AKAP7: variants seen among roughly 807,000 people sequenced by gnomAD.
AKAP7 encodes A-kinase anchoring protein 7, also known as A kinase (PRKA) anchor protein 7.
Under a neutral mutation model 39.5 loss-of-function variants are expected in AKAP7, and 39 were observed. The ratio of observed to expected loss-of-function variants is 0.99; its 90% CI spans 0.76 to 1.29. The LOEUF (loss-of-function observed/expected upper bound fraction) is 1.29, where lower values mean the gene tolerates loss of function less well. Ranked by LOEUF, AKAP7 falls within the 50% of genes most tolerant of loss-of-function variation. The pLI, the probability that AKAP7 is intolerant of heterozygous loss-of-function variation, is 0.00. For synonymous variants in AKAP7, 140 were observed against 139.1 expected (o/e 1.01, Z -0.05); for missense variants, 414 against 407.7 (o/e 1.02, Z -0.13).
chr6:131,126,191 G>A, the AKAP7 span, among the ~76,000 whole-genome samples: 3 of 152,076 alleles, frequency 2.0e-5, no homozygotes, highest in Non-Finnish European at 4.4e-5. Context: ...CTTATTTTTG[G>A]TTGCTCAGAT....
At chr6:131,127,604 C>T in the AKAP7 span, among the ~76,000 whole-genome samples, 16 of 152,232 alleles carry the variant, frequency 1.1e-4, 1 homozygote, top group South Asian at 4.1e-4. Context: ...AAATTCTGCA[C>T]ATTATAAACT....
At position 131,173,229 on chromosome 6, in the gene AKAP7, A is replaced by T. The variant is rs547528288; in HGVS notation, c.589+3956A>T. The stretch of plus-strand genomic sequence containing the variant: ...AAAAAAAAAAAAAGAAAAAAGAAAA[A>T]ATTCTTTTTAATTTTAATATCAGGA... On this transcript the variant is annotated intron_variant, in intron 5 of 7. Coordinates refer to ENST00000431975, the MANE Select transcript of AKAP7 (RefSeq NM_016377.4). Among the ~76,000 whole-genome samples the T allele has an allele frequency of 2.0e-5, 3 of 151,926 alleles. No homozygotes were observed. The South Asian group carries it at 6.2e-4, about 31-fold the overall frequency.
intron 7 of AKAP7, among the ~76,000 whole-genome samples, chr6:131,254,293 T>C (rs951169988): frequency 6.6e-6 from 1 of 152,242 alleles, no homozygotes; most frequent in Non-Finnish European, 1.5e-5. Flanking sequence ...TAGTTTTTGC[T>C]GACTACTTAT....
At chr6:131,194,355 T>C (rs73633676) in intron 5 of AKAP7, among the ~76,000 whole-genome samples, 3,866 of 152,166 alleles carry the variant, frequency 0.025, 160 homozygotes, top group African/African-American at 0.087. Flanking sequence ...ATTCCTCTTA[T>C]TATTGACTTG....
At chr6:131,235,435 G>C (rs1181551521) in intron 7 of AKAP7, among the ~76,000 whole-genome samples, 4 of 152,150 alleles carry the variant, frequency 2.6e-5, no homozygotes, top group South Asian at 4.1e-4. Flanking sequence ...GTAATGGGAT[G>C]GCTGGGTCAA....
chr6:131,128,709 C>T, the AKAP7 span, among the ~76,000 whole-genome samples: 2 of 151,346 alleles, frequency 1.3e-5, no homozygotes, highest in African/African-American at 4.9e-5. Flanking sequence ...GTAATCCCAG[C>T]TACTCAGGAA....
At chr6:131,152,565 C>A (rs991945005) in intron 2 of AKAP7, among the ~76,000 whole-genome samples, 5 of 152,094 alleles carry the variant, frequency 3.3e-5, no homozygotes, top group African/African-American at 9.7e-5. Context: ...TGGTGGCTCA[C>A]GCCTGTAATC....
chr6:131,238,973 T>A (rs1333714298), intron 7 of AKAP7, among the ~76,000 whole-genome samples: 1 of 152,202 alleles, frequency 6.6e-6, no homozygotes, highest in Non-Finnish European at 1.5e-5. Context: ...GTTATTTTGC[T>A]CATTAGTTGA....
At chr6:131,202,720 T>C (rs1807708038) in intron 6 of AKAP7, among the ~76,000 whole-genome samples, 2 of 151,838 alleles carry the variant, frequency 1.3e-5, no homozygotes. Flanking sequence ...GTAACTAACC[T>C]GCACATTGTG....
chr6:131,248,011 C>T (rs1288260820), intron 7 of AKAP7, among the ~76,000 whole-genome samples: 4 of 152,022 alleles, frequency 2.6e-5, no homozygotes. Context: ...ATTTATTGCA[C>T]GAACATTATC....
chr6:131,252,302 G>A (rs972684984), intron 7 of AKAP7, among the ~76,000 whole-genome samples: 2 of 152,144 alleles, frequency 1.3e-5, no homozygotes, highest in African/African-American at 2.4e-5. Flanking sequence ...AATGAAGCCC[G>A]AGTCTGGAGG....
At chr6:131,145,125 TA>T (rs1801372456) in intron 1 of AKAP7, among the ~76,000 whole-genome samples, 159 bp from the exon 2 acceptor site, 1 of 152,216 alleles carries the variant, frequency 6.6e-6, no homozygotes, top group Non-Finnish European at 1.5e-5. Context: ...TATAAATGTT[TA>T]TATAAATAGC....
In AKAP7 at chr6:131,215,329, G is replaced by A. The variant is rs769975631; in HGVS notation, c.703-4332G>A. Among the ~76,000 whole-genome samples the A allele has an allele frequency of 1.2e-4, 18 of 152,342 alleles. 1 individual carries two copies. Among genetic ancestry groups the A allele is most frequent in the Non-Finnish European group, 2.1e-4 (14 of 68,034 alleles). ...CCAGAGCGGCCAGAGGAGAAGATGG[G>A]AAGGCCGCAAGGCCGTTCTCACCCT... On this transcript the variant is annotated intron_variant, in intron 6 of 7. Transcript: ENST00000431975.
At chr6:131,145,444 T>C (rs1423324658) in intron 2 of AKAP7, 28 bp downstream of exon 2, 1 of 1,370,650 alleles carries the variant, frequency 7.3e-7, no homozygotes, top group Non-Finnish European at 9.6e-7. Flanking sequence ...TAAACGCGTA[T>C]TTAGAAGCAA....
In AKAP7 at chr6:131,189,661, G is replaced by A. The variant is rs569823194; in HGVS notation, c.590-9800G>A. Reference sequence around the variant, plus strand: ...GAAAATCTCCTATAGAAAAAAATATGTAAAGCCTAAAAAACAGATAAAGCT... The same window carrying A: ...GAAAATCTCCTATAGAAAAAAATATATAAAGCCTAAAAAACAGATAAAGCT... On this transcript the variant is annotated intron_variant, in intron 5 of 7. Transcript: ENST00000431975. Among the ~76,000 whole-genome samples the A allele has an allele frequency of 2.0e-4, 31 of 152,204 alleles. No individual in the cohort carries two copies. The East Asian group carries it at 5.2e-3, about 26-fold the overall frequency.
At chr6:131,149,675 A>G (rs1400884420) in intron 2 of AKAP7, among the ~76,000 whole-genome samples, 2 of 152,156 alleles carry the variant, frequency 1.3e-5, no homozygotes, top group Non-Finnish European at 2.9e-5. Flanking sequence ...AGACAGTACA[A>G]CCTGTGCCAC....
chr6:131,205,970 C>T (rs1808057546), intron 6 of AKAP7, among the ~76,000 whole-genome samples: 1 of 152,242 alleles, frequency 6.6e-6, no homozygotes, highest in South Asian at 2.1e-4. Flanking sequence ...GCTTTTTGTA[C>T]GGTATCTTTT....
chr6:131,242,101 G>A (rs1811670204), intron 7 of AKAP7: 1 of 983,450 alleles, frequency 1.0e-6, no homozygotes, highest in South Asian at 4.7e-5. Context: ...AAGGGACTGA[G>A]TGTGAGCAAC....
At chr6:131,136,816 T>C (rs1344793475) in intron 1 of AKAP7, 2 of 983,168 alleles carry the variant, frequency 2.0e-6, no homozygotes, top group East Asian at 2.3e-4. Context: ...TGTTGATTTC[T>C]ACGCAGCTGT....
Sources: gnomAD v4.1 joint callset for allele counts (sites outside exome capture counted in the v4.1 genomes callset) on GRCh38, gnomAD v4.1.1 for gene constraint, MANE v1.5 for transcripts, NCBI Gene and HGNC (gene_info 2026-07-23, HGNC 2026-07-21) for gene names.